DDAH1: variants seen among roughly 807,000 people sequenced by gnomAD.
DDAH1 encodes N(G),N(G)-dimethylarginine dimethylaminohydrolase 1.
DDAH1 carries 19 observed loss-of-function variants against 28.8 expected under a neutral mutation model. The observed-to-expected ratio is 0.66, with a 90% CI of 0.46 to 0.97. The LOEUF (loss-of-function observed/expected upper bound fraction) is 0.97, where lower values mean the gene tolerates loss of function less well. DDAH1 is among the 50% of genes least tolerant of loss of function. The pLI is 0.00. For missense variants in DDAH1, 326 were observed against 375.9 expected, an observed-to-expected ratio of 0.87 and a Z score of 1.10; for synonymous variants, 153 against 154.4, an observed-to-expected ratio of 0.99 and a Z score of 0.07.
intron 4 of DDAH1, among the ~76,000 whole-genome samples, chr1:85,347,420 G>A (rs1384952090): frequency 6.6e-6 from 1 of 152,168 alleles, no homozygotes; most frequent in African/African-American, 2.4e-5. Flanking sequence ...TATACACCAT[G>A]GAATACTATG....
chr1:85,519,352 T>C (rs1353254442), intron 1 of DDAH1, among the ~76,000 whole-genome samples: 3 of 152,128 alleles, frequency 2.0e-5, no homozygotes, highest in Non-Finnish European at 4.4e-5. Flanking sequence ...CGCCGTGGCG[T>C]GAGCCACCGT....
chr1:85,389,142 G>A (rs1651420094), intron 1 of DDAH1, among the ~76,000 whole-genome samples: 1 of 151,966 alleles, frequency 6.6e-6, no homozygotes, highest in Non-Finnish European at 1.5e-5. Context: ...AGGAGTTCGA[G>A]ATCAGCCTGG....
At chr1:85,550,677 G>A (rs901538430) in intron 1 of DDAH1, among the ~76,000 whole-genome samples, 4 of 152,114 alleles carry the variant, frequency 2.6e-5, no homozygotes, top group East Asian at 1.9e-4. Flanking sequence ...TCAGGAAGAT[G>A]CAAAATGTTA....
chr1:85,491,451 G>C (rs17392043), intron 2 of DDAH1, among the ~76,000 whole-genome samples: 15,197 of 152,234 alleles, frequency 0.1, 1,005 homozygotes, highest in Non-Finnish European at 0.15. Context: ...TAGAACTGCT[G>C]TTAGGATGAG....
intron 1 of DDAH1, among the ~76,000 whole-genome samples, chr1:85,364,291 G>T (rs1488894398): frequency 1.3e-5 from 2 of 152,090 alleles, no homozygotes; most frequent in Non-Finnish European, 1.5e-5. Context: ...ACTGGATATT[G>T]TAAGATCCTG....
intron 1 of DDAH1, among the ~76,000 whole-genome samples, chr1:85,449,725 T>C (rs1187473121): frequency 6.6e-6 from 1 of 152,028 alleles, no homozygotes; most frequent in Non-Finnish European, 1.5e-5. Context: ...ACAACGGAGA[T>C]GCATGTGTGG....
At chr1:85,407,608 G>A (rs570196194) in intron 1 of DDAH1, among the ~76,000 whole-genome samples, 8 of 152,288 alleles carry the variant, frequency 5.3e-5, no homozygotes, top group East Asian at 1.9e-4. Context: ...GGACACCACC[G>A]TGCTTTTAAG....
intron 1 of DDAH1, among the ~76,000 whole-genome samples, chr1:85,573,548 G>A (rs900985925): frequency 2.6e-5 from 4 of 152,226 alleles, no homozygotes; most frequent in Non-Finnish European, 5.9e-5. Flanking sequence ...TAAGGTAAGG[G>A]AGTTAGGAAT....
intron 1 of DDAH1, among the ~76,000 whole-genome samples, chr1:85,426,450 T>C (rs1653397369): frequency 6.6e-6 from 1 of 152,216 alleles, no homozygotes; most frequent in South Asian, 2.1e-4. Flanking sequence ...TACACGTTAA[T>C]TGAATTAATT....
rs562550253 is a variant in DDAH1 at position 85,443,777 on chromosome 1, T to C, written c.303+20966A>G. ...AGGTATTTTACTCTCTTTGAAGCAA[T>C]TGTGAAGGGGAGTTCACTCATTATT... is the stretch of plus-strand genomic sequence containing the variant. On this transcript the variant is annotated intron_variant, in intron 1 of 5. Coordinates refer to ENST00000284031, the MANE Select transcript of DDAH1 (RefSeq NM_012137.4). Among the ~76,000 whole-genome samples the C allele has an allele frequency of 1.1e-3, 163 of 152,344 alleles. 1 individual carries two copies. Among genetic ancestry groups the C allele is most frequent in the African/African-American group, 3.8e-3 (159 of 41,578 alleles).
At chr1:85,492,134 G>A (rs139555045) in intron 2 of DDAH1, among the ~76,000 whole-genome samples, 1 of 152,090 alleles carries the variant, frequency 6.6e-6, no homozygotes, top group African/African-American at 2.4e-5. Context: ...AGCTTGACTG[G>A]CAGAATTCAG....
intron 1 of DDAH1, among the ~76,000 whole-genome samples, chr1:85,431,550 C>T (rs1265873818): frequency 6.6e-6 from 1 of 151,946 alleles, no homozygotes; most frequent in Non-Finnish European, 1.5e-5. Context: ...TTCTTTCCTT[C>T]TTCCCTCCTT....
chr1:85,411,517 T>C (rs1458498242), intron 1 of DDAH1, among the ~76,000 whole-genome samples: 2 of 152,146 alleles, frequency 1.3e-5, no homozygotes, highest in African/African-American at 4.8e-5. Flanking sequence ...CTACACCAAA[T>C]TGCATGAGCT....
chr1:85,427,810 C>A (rs944809918), intron 1 of DDAH1, among the ~76,000 whole-genome samples: 1 of 150,952 alleles, frequency 6.6e-6, no homozygotes, highest in Non-Finnish European at 1.5e-5. Context: ...GTACCCCTCC[C>A]ACCTCATAAA....
At chr1:85,449,944 G>A (rs1218149734) in intron 1 of DDAH1, among the ~76,000 whole-genome samples, 1 of 152,082 alleles carries the variant, frequency 6.6e-6, no homozygotes, top group Non-Finnish European at 1.5e-5. Flanking sequence ...AGCAGAGAGA[G>A]GGAATATTCC....
At chr1:85,532,190 G>T (rs2100774955) in intron 1 of DDAH1, among the ~76,000 whole-genome samples, 2 of 152,046 alleles carry the variant, frequency 1.3e-5, no homozygotes, top group South Asian at 4.2e-4. Context: ...GGTTGCAGAG[G>T]CTACGTGTCA....
At chr1:85,341,754 A>G (rs1434689666) in intron 4 of DDAH1, among the ~76,000 whole-genome samples, 1 of 152,112 alleles carries the variant, frequency 6.6e-6, no homozygotes, top group Non-Finnish European at 1.5e-5. Flanking sequence ...TGGAGCTTGC[A>G]GAGAGCCGAG....
chr1:85,502,886 C>T (rs918531924), intron 1 of DDAH1, among the ~76,000 whole-genome samples: 25 of 152,152 alleles, frequency 1.6e-4, no homozygotes, highest in South Asian at 2.1e-4. Context: ...CCAGAACACT[C>T]GGGGCCTCTG....
At chr1:85,455,189 T>C (rs1025901130) in intron 1 of DDAH1, among the ~76,000 whole-genome samples, 1 of 152,174 alleles carries the variant, frequency 6.6e-6, no homozygotes, top group Admixed American at 6.5e-5. Context: ...AAATATGACC[T>C]AAAGCCAAAC....
Sources: gnomAD v4.1 joint callset for allele counts (sites outside exome capture counted in the v4.1 genomes callset) on GRCh38, gnomAD v4.1.1 for gene constraint, MANE v1.5 for transcripts, NCBI Gene and HGNC (gene_info 2026-07-23, HGNC 2026-07-21) for gene names.